Variants in NTM observed in about 807,000 individuals in gnomAD.
NTM encodes the protein IgLON family member 2.
Under a neutral mutation model 42.1 loss-of-function variants are expected in NTM, and 13 were observed. The observed-to-expected ratio is 0.31, with a 90% confidence interval of 0.20 to 0.49. The LOEUF is 0.49. Among genes scored for constraint, NTM ranks in the 20% least tolerant of loss-of-function variants. The probability of loss-of-function intolerance (pLI) is 0.99; values close to 1 mark genes in which losing one functional copy is unlikely to be tolerated. For synonymous variants in NTM, 187 were observed against 179.2 expected, an observed-to-expected ratio of 1.04 and a Z score of -0.35; for missense variants, 373 against 452.8, an observed-to-expected ratio of 0.82 and a Z score of 1.60.
rs187656386 is a variant in NTM, at chr11:132,025,406, T to G, written c.167+113758T>G. On this transcript the variant is annotated intron_variant, in intron 2 of 8. Coordinates refer to ENST00000683400, the MANE Select transcript of NTM (RefSeq NM_001352005.2). Reference sequence around the variant, plus strand: ...ATTTTGTAATTCTTTTATCTGCACCTAAAACCTTAGACTAGTGCTTCTCAA... The same window carrying G: ...ATTTTGTAATTCTTTTATCTGCACCGAAAACCTTAGACTAGTGCTTCTCAA... 1.1e-4 allele frequency among the ~76,000 whole-genome samples: 16 copies of G among 152,344 alleles called. No individual in the cohort carries two copies. In the East Asian group the frequency reaches 3.1e-3, roughly 29 times the overall value.
chr11:131,738,913 G>A (rs188907895), intron 1 of NTM, among the ~76,000 whole-genome samples: 51 of 152,282 alleles, frequency 3.3e-4, no homozygotes, highest in African/African-American at 1.2e-3. Flanking sequence ...AACAACTCCC[G>A]TCAAATGAGT....
intron 1 of NTM, among the ~76,000 whole-genome samples, chr11:131,864,265 C>T (rs2046921813): frequency 6.6e-6 from 1 of 152,144 alleles, no homozygotes; most frequent in Non-Finnish European, 1.5e-5. Flanking sequence ...CAGGATCCAT[C>T]AGGAAGGAAA....
At chr11:131,981,514 A>G (rs1421375064) in intron 2 of NTM, 1 of 152,216 alleles carries the variant, frequency 6.6e-6, no homozygotes, top group Admixed American at 6.5e-5. Context: ...ATTAAAATAA[A>G]GCACTTTTAT....
chr11:132,080,559 C>T (rs1254601017), intron 2 of NTM, among the ~76,000 whole-genome samples: 2 of 152,174 alleles, frequency 1.3e-5, no homozygotes, highest in African/African-American at 2.4e-5. Flanking sequence ...GACTGTCAGC[C>T]CTACTGGTGA....
chr11:132,063,618 G>A (rs2081012141), intron 2 of NTM, among the ~76,000 whole-genome samples: 1 of 152,192 alleles, frequency 6.6e-6, no homozygotes, highest in African/African-American at 2.4e-5. Flanking sequence ...TAATTGTGCA[G>A]TTATTTCAGA....
chr11:131,645,451 T>A (rs937564528), intron 1 of NTM, among the ~76,000 whole-genome samples: 3 of 152,198 alleles, frequency 2.0e-5, no homozygotes, highest in African/African-American at 7.2e-5. Flanking sequence ...TGCCTTTCAG[T>A]CACGTCAGAC....
At chr11:132,119,764 A>G (rs1238188291) in intron 2 of NTM, among the ~76,000 whole-genome samples, 1 of 152,222 alleles carries the variant, frequency 6.6e-6, no homozygotes, top group Non-Finnish European at 1.5e-5. Context: ...AGGCTACAGA[A>G]GGGCAGAGCT....
chr11:131,892,084 C>T (rs1565687313), intron 1 of NTM, among the ~76,000 whole-genome samples: 1 of 152,094 alleles, frequency 6.6e-6, no homozygotes, highest in East Asian at 1.9e-4. Flanking sequence ...CCACATTCCA[C>T]TATGGGAACT....
chr11:132,048,248 C>A (rs113053509), intron 2 of NTM, among the ~76,000 whole-genome samples: 3 of 152,044 alleles, frequency 2.0e-5, no homozygotes, highest in Admixed American at 6.6e-5. Flanking sequence ...AGCAATACCC[C>A]CCATGCCGCC....
chr11:131,566,382 G>A (rs776384629), intron 1 of NTM, among the ~76,000 whole-genome samples: 4 of 152,042 alleles, frequency 2.6e-5, no homozygotes, highest in African/African-American at 4.8e-5. Context: ...CCAGGAGGGA[G>A]TCTCCCCGTA....
intron 5 of NTM, among the ~76,000 whole-genome samples, chr11:132,309,885 G>A (rs988848986): frequency 2.0e-5 from 3 of 151,934 alleles, no homozygotes; most frequent in South Asian, 2.1e-4. Flanking sequence ...GTGAAACCCC[G>A]TCGCTGCTAA....
chr11:131,878,600 T>C (rs1236647191), intron 1 of NTM, among the ~76,000 whole-genome samples: 2 of 9,792 alleles, frequency 2.0e-4, no homozygotes, highest in Non-Finnish European at 3.2e-4. Context: ...AAAAAATATA[T>C]ATATATATAT....
chr11:132,164,119 T>C (rs1258890277), intron 3 of NTM, among the ~76,000 whole-genome samples: 2 of 152,210 alleles, frequency 1.3e-5, no homozygotes, highest in East Asian at 3.9e-4. Flanking sequence ...CTTATGTGTG[T>C]GAGGGAACAA....
intron 1 of NTM, among the ~76,000 whole-genome samples, chr11:131,776,568 CA>C: frequency 6.6e-6 from 1 of 152,056 alleles, no homozygotes; most frequent in Admixed American, 6.5e-5. Context: ...AAGCTGGTGT[CA>C]GATATTTTAG....
chr11:131,598,500 A>G (rs2060004035), intron 1 of NTM, among the ~76,000 whole-genome samples: 3 of 152,136 alleles, frequency 2.0e-5, no homozygotes. Flanking sequence ...CACACTGCAC[A>G]GAGGGAGCAC....
intron 1 of NTM, among the ~76,000 whole-genome samples, chr11:131,390,393 C>T (rs892299443): frequency 2.0e-5 from 3 of 152,110 alleles, no homozygotes; most frequent in South Asian, 2.1e-4. Flanking sequence ...TTGGAGGGAA[C>T]AGACTATCAG....
chr11:132,038,422 G>A (rs1011999026), intron 2 of NTM, among the ~76,000 whole-genome samples: 5 of 152,126 alleles, frequency 3.3e-5, no homozygotes, highest in Admixed American at 1.3e-4. Context: ...GTTAGTGCCC[G>A]GAGGAGTGTG....
At chr11:131,794,908 T>A (rs1419010942) in intron 1 of NTM, 2 of 982,354 alleles carry the variant, frequency 2.0e-6, no homozygotes, top group Non-Finnish European at 2.4e-6. Flanking sequence ...CTGCAGGGAG[T>A]GTTGGGTAAC....
At chr11:132,200,311 T>A (rs2080962167) in intron 3 of NTM, among the ~76,000 whole-genome samples, 1 of 151,780 alleles carries the variant, frequency 6.6e-6, no homozygotes, top group Non-Finnish European at 1.5e-5. Context: ...TCACAAGGAG[T>A]GTGGGAACAA....
Sources: allele counts gnomAD v4.1 joint callset (sites outside exome capture counted in the v4.1 genomes callset), GRCh38; gene constraint gnomAD v4.1.1; transcripts MANE v1.5; gene names NCBI Gene and HGNC (gene_info 2026-07-23, HGNC 2026-07-21).